The following UPF2 variants were observed in gnomAD, a reference collection of about 807,000 sequenced individuals.
The protein encoded by UPF2 is regulator of nonsense transcripts 2.
Under a neutral mutation model 141.4 loss-of-function variants are expected in UPF2, and 17 were observed. The ratio of observed to expected loss-of-function variants is 0.12; its 90% CI spans 0.08 to 0.18. The LOEUF (loss-of-function observed/expected upper bound fraction) is 0.18, where lower values mean the gene tolerates loss of function less well. Among genes scored for constraint, UPF2 ranks in the 10% least tolerant of loss-of-function variants. The pLI is 1.00. For missense variants in UPF2, 1,152 were observed against 1,515.9 expected (o/e 0.76, Z 3.99); for synonymous variants, 540 against 498.0 (o/e 1.08, Z -1.12).
intron 6 of UPF2, 86 bp from the exon 7 acceptor site, chr10:12,000,095 G>T: frequency 1.7e-6 from 2 of 1,168,890 alleles, no homozygotes; most frequent in Non-Finnish European, 1.2e-6. Flanking sequence ...TTGGAAAATA[G>T]ATAATCTAGA....
chr10:11,938,853 G>GGTTTTT (rs1832889411), intron 18 of UPF2, among the ~76,000 whole-genome samples: 3 of 79,830 alleles, frequency 3.8e-5, no homozygotes, highest in Non-Finnish European at 7.0e-5. Flanking sequence ...TTTTTTTTTT[G>GGTTTTT]TTTTTTTTTT....
At position 11,948,512 on chromosome 10, in the gene UPF2, G is replaced by C; in HGVS notation, c.3035-4C>G. On this transcript the variant is annotated splice_region_variant and splice_polypyrimidine_tract_variant and intron_variant, in intron 15 of 21. Transcript: ENST00000357604. ...GAGTCTTTGTCATTTACTAGGCCTT[G>C]AAATGAGAAGGTGGAAATGGAAAAA... 2 of 1,610,610 alleles carry C rather than the reference G, an allele frequency of 1.2e-6. No individual in the cohort carries two copies. The highest frequency in any genetic ancestry group is 1.7e-6 in the Non-Finnish European group (2 of 1,179,438).
chr10:11,955,263 C>T lies in UPF2; in HGVS notation c.2819G>A (p.Arg940Gln), dbSNP rs1430146946. The T allele has an allele frequency of 3.1e-6, 5 of 1,594,130 alleles. No homozygotes were observed. Among genetic ancestry groups the T allele is most frequent in the East Asian group, 2.2e-5 (1 of 44,476 alleles). Residue 940 changes from arginine to glutamine, a missense_variant, in exon 14 of 22, where the codon CGA becomes CAA. Arg to Gln is a conservative substitution (Grantham distance 43). Coordinates refer to ENST00000357604, the MANE Select transcript of UPF2 (RefSeq NM_015542.4). ...GQYFDRGSSK[R>Q]KLDCFLVYFQ... Reference sequence around the variant, plus strand: ...ATATACAAGGAAACAATCAAGTTTTCGTTTACTGGAACCTCTGTCAAAGTA... The same window carrying T: ...ATATACAAGGAAACAATCAAGTTTTTGTTTACTGGAACCTCTGTCAAAGTA...
At chr10:11,944,031 C>G (rs1379129732) in intron 16 of UPF2, among the ~76,000 whole-genome samples, 4 of 151,784 alleles carry the variant, frequency 2.6e-5, no homozygotes, top group African/African-American at 9.7e-5. Flanking sequence ...AACCAAAAAC[C>G]CACTAAACCC....
In UPF2 at chr10:12,042,518, G is replaced by A. The variant is rs891969171; in HGVS notation, c.-19+237C>T. Among the ~76,000 whole-genome samples the A allele has an allele frequency of 6.6e-6, 1 of 152,002 alleles. No homozygotes were observed. Among genetic ancestry groups the A allele is most frequent in the Non-Finnish European group, 1.5e-5 (1 of 67,978 alleles). ...ATGTGGGGCAGGCACCTCCTCCACCGCCCCCCAAGCATGGCCCGGCCCGGG... is the reference window on the plus strand; with the variant it reads ...ATGTGGGGCAGGCACCTCCTCCACCACCCCCCAAGCATGGCCCGGCCCGGG... On this transcript the variant is annotated intron_variant, in intron 1 of 21. Transcript: ENST00000357604. This position sits in a 1 kb window ranked among gnomAD's most constrained non-coding sequence, Gnocchi z 5.5.
chr10:11,997,497 C>G lies in UPF2; in HGVS notation c.1844+175G>C, dbSNP rs149552931. On this transcript the variant is annotated intron_variant, in intron 8 of 21. Transcript: ENST00000357604. ...GAAGAAATATTCCCATTAGAGCTAA[C>G]AAGCAATGAACAAAAATTAATGGGA... 2.8e-4 allele frequency among the ~76,000 whole-genome samples: 42 copies of G among 152,160 alleles called. No homozygotes were observed. In the East Asian group the frequency reaches 8.1e-3, roughly 29 times the overall value.
intron 1 of UPF2, among the ~76,000 whole-genome samples, chr10:12,039,565 A>G (rs928752100): frequency 2.6e-5 from 4 of 151,928 alleles, no homozygotes; most frequent in African/African-American, 7.3e-5. Flanking sequence ...ACATTTCAGG[A>G]CCACAGGACA....
At chr10:11,950,009 A>C (rs1229646687) in intron 15 of UPF2, among the ~76,000 whole-genome samples, 1 of 152,146 alleles carries the variant, frequency 6.6e-6, no homozygotes, top group Non-Finnish European at 1.5e-5. Context: ...GTCAAGAAAA[A>C]ATTTCATAAT....
In UPF2 at chr10:11,936,719, G is replaced by C. The variant is rs746902639; in HGVS notation, c.3379-7C>G. On this transcript the variant is annotated splice_region_variant and splice_polypyrimidine_tract_variant and intron_variant, in intron 18 of 21. Transcript: ENST00000357604. This position sits in a 1 kb window ranked among gnomAD's most constrained non-coding sequence, Gnocchi z 6.6. ...CAGATTCACCACTTCGTTGCTAAAAGAAATTAAAAAGGACATAATAAACAC... is the reference window on the plus strand; with the variant it reads ...CAGATTCACCACTTCGTTGCTAAAACAAATTAAAAAGGACATAATAAACAC... The C allele has an allele frequency of 6.3e-7, 1 of 1,597,786 alleles. No homozygotes were observed. The highest frequency in any genetic ancestry group is 1.3e-5 in the African/African-American group (1 of 74,212).
At position 12,003,923 on chromosome 10, in the gene UPF2, CAA is replaced by C. The variant is rs34191709; in HGVS notation, c.1504+605_1504+606del. On this transcript the variant is annotated intron_variant, in intron 5 of 21. Coordinates refer to ENST00000357604, the MANE Select transcript of UPF2 (RefSeq NM_015542.4). The stretch of plus-strand genomic sequence containing the variant: ...CTGGACAAGAGCAAAAACTCCGCCT[CAA>C]AAAAAAAAAAAAAAAAAAAGAATGC... Among the ~76,000 whole-genome samples the C allele has an allele frequency of 1.3e-4, 11 of 81,552 alleles. No homozygotes were observed. In the South Asian group the frequency reaches 1.9e-3, roughly 14 times the overall value. 53.5% of individuals were successfully genotyped at this position (81,552 alleles called of 152,430 possible).
chr10:12,010,703 T>A (rs1248192992), intron 4 of UPF2, among the ~76,000 whole-genome samples: 1 of 152,020 alleles, frequency 6.6e-6, no homozygotes, highest in Non-Finnish European at 1.5e-5. Context: ...CCTAATTTGA[T>A]GATAACTATA....
chr10:11,931,868 A>C lies in UPF2; in HGVS notation c.3547-86T>G. The C allele has an allele frequency of 6.8e-7, 1 of 1,473,956 alleles. No individual in the cohort carries two copies. The highest frequency in any genetic ancestry group is 9.1e-7 in the Non-Finnish European group (1 of 1,098,632). The allele number at this position is 1,473,956 out of a possible 1,614,324, so 91.3% of individuals were successfully genotyped here. On this transcript the variant is annotated intron_variant, in intron 19 of 21. Transcript: ENST00000357604. This position sits in a 1 kb window ranked among gnomAD's most constrained non-coding sequence, Gnocchi z 5.9. ...AGACTTCAAATAAAATAGCAAGTAC[A>C]GGCTGGGCACGGTGGCTCACGCCTG...
chr10:12,026,084 G>A (rs1189125533), intron 3 of UPF2, among the ~76,000 whole-genome samples: 1 of 152,022 alleles, frequency 6.6e-6, no homozygotes, highest in Non-Finnish European at 1.5e-5. Context: ...GTGAGCCACC[G>A]CACCCTGCCA....
chr10:11,936,706 T>C lies in UPF2; in HGVS notation c.3385A>G (p.Ser1129Gly). 1 of 1,602,710 alleles carries C rather than the reference T, an allele frequency of 6.2e-7. No homozygotes were observed. Among genetic ancestry groups the C allele is most frequent in the Non-Finnish European group, 8.5e-7 (1 of 1,175,448 alleles). The change falls in exon 19 of 22, where the codon AGT (serine) becomes GGT (glycine). Residue 1129 changes from serine (S) to glycine (G), a missense_variant. By Grantham distance (56) the Ser-to-Gly change is moderately conservative. Coordinates refer to ENST00000357604, the MANE Select transcript of UPF2 (RefSeq NM_015542.4). This position sits in a 1 kb window ranked among gnomAD's most constrained non-coding sequence, Gnocchi z 6.6. ...KMMLENLQQR[S>G]GESVKVHQLD... ...TGGTGCACTTTAACAGATTCACCAC[T>C]TCGTTGCTAAAAGAAATTAAAAAGG...
At chr10:12,027,945 C>T (rs766203441) in intron 3 of UPF2, among the ~76,000 whole-genome samples, 6 of 152,292 alleles carry the variant, frequency 3.9e-5, no homozygotes, top group Non-Finnish European at 7.4e-5. Flanking sequence ...TAGTTTAATA[C>T]TCAGCCACGT....
At chr10:12,029,558 T>C in intron 2 of UPF2, 34 bp from the exon 3 acceptor site, 2 of 1,537,258 alleles carry the variant, frequency 1.3e-6, no homozygotes, top group Non-Finnish European at 1.7e-6. Context: ...TAAAATACTC[T>C]CTACATTTTG....
At chr10:12,026,167 T>C (rs1292235452) in intron 3 of UPF2, among the ~76,000 whole-genome samples, 1 of 152,174 alleles carries the variant, frequency 6.6e-6, no homozygotes, top group East Asian at 1.9e-4. Context: ...AAAAAGCATC[T>C]AAATAAAGTT....
rs750927267 is a variant in UPF2 at position 12,035,397 on chromosome 10, T to C, written c.27A>G (p.Ala9=). 2.3e-5 allele frequency: 36 copies of C among 1,589,108 alleles called. No individual in the cohort carries two copies. The Admixed American group carries it at 2.8e-4, about 13-fold the overall frequency. ...GTAAAGAGTCTTTTTCTTCCATACT[T>C]GCTGGCTTTTTACGCTCAGCTGGCA... MPAERKKP[A]SMEEKDSLPN... is the part of the protein sequence containing the mutation. The change falls in exon 2 of 22, where the codon GCA becomes GCG. Residue 9 remains alanine, a synonymous_variant. Coordinates refer to ENST00000357604, the MANE Select transcript of UPF2 (RefSeq NM_015542.4).
chr10:12,021,923 A>G (rs1588574520), intron 3 of UPF2, among the ~76,000 whole-genome samples: 1 of 152,130 alleles, frequency 6.6e-6, no homozygotes, highest in Non-Finnish European at 1.5e-5. Flanking sequence ...AGGCGGGCGG[A>G]TCACTTGAGG....
Sources: allele counts gnomAD v4.1 joint callset (sites outside exome capture counted in the v4.1 genomes callset), GRCh38; gene constraint gnomAD v4.1.1; non-coding constraint Gnocchi (gnomAD v3.1); transcripts MANE v1.5; gene names NCBI Gene and HGNC (gene_info 2026-07-23, HGNC 2026-07-21).